RBFOX1: variants seen among roughly 807,000 people sequenced by gnomAD.
RBFOX1 encodes RNA binding fox-1 homolog 1, also known as RNA binding protein fox-1 homolog 1.
In RBFOX1, 8 loss-of-function variants were observed where a neutral mutation model predicts 57.7. That is an observed-to-expected ratio of 0.14 (90% confidence interval 0.08 to 0.25). The LOEUF (loss-of-function observed/expected upper bound fraction) is 0.25, where lower values mean the gene tolerates loss of function less well. RBFOX1 is among the 10% of genes least tolerant of loss of function. RBFOX1 has a pLI of 1.00. For synonymous variants in RBFOX1, 326 were observed against 222.4 expected (o/e 1.47, Z -4.15); for missense variants, 611 against 548.5 (o/e 1.11, Z -1.14).
At chr16:6,103,872 A>C (rs2096345492) in intron 1 of RBFOX1, among the ~76,000 whole-genome samples, 1 of 152,178 alleles carries the variant, frequency 6.6e-6, no homozygotes, top group East Asian at 1.9e-4. Context: ...ACTTTTTGGT[A>C]CCTGAAATTC....
intron 3 of RBFOX1, among the ~76,000 whole-genome samples, chr16:5,699,319 T>C (rs531351610): frequency 1.3e-5 from 2 of 152,176 alleles, no homozygotes; most frequent in South Asian, 2.1e-4. Context: ...TTTACATATA[T>C]TGTGATATGG....
At chr16:7,172,647 C>T (rs73554355) in intron 4 of RBFOX1, among the ~76,000 whole-genome samples, 1 of 152,068 alleles carries the variant, frequency 6.6e-6, no homozygotes, top group Non-Finnish European at 1.5e-5. Flanking sequence ...ACACATCATG[C>T]CAAGTTGTAG....
chr16:5,919,713 C>G (rs2058779375), intron 4 of RBFOX1, among the ~76,000 whole-genome samples: 1 of 152,146 alleles, frequency 6.6e-6, no homozygotes, highest in African/African-American at 2.4e-5. Context: ...CCACCTTGAT[C>G]TCGTTTCAAA....
At chr16:6,621,610 G>A (rs2098233341) in intron 2 of RBFOX1, among the ~76,000 whole-genome samples, 1 of 152,166 alleles carries the variant, frequency 6.6e-6, no homozygotes. Flanking sequence ...CAGGGACTAG[G>A]AAGTGGGCAT....
At chr16:6,531,707 C>T (rs2096660423) in intron 2 of RBFOX1, among the ~76,000 whole-genome samples, 1 of 152,032 alleles carries the variant, frequency 6.6e-6, no homozygotes, top group Non-Finnish European at 1.5e-5. Flanking sequence ...CTCATGGACC[C>T]AAACAGGGCT....
chr16:7,417,187 T>C (rs572172828), intron 4 of RBFOX1, among the ~76,000 whole-genome samples: 43 of 151,992 alleles, frequency 2.8e-4, no homozygotes, highest in African/African-American at 9.6e-4. Flanking sequence ...CTGGCCAACA[T>C]GGTGAAACCC....
chr16:6,598,705 T>G (rs903834067), intron 2 of RBFOX1, among the ~76,000 whole-genome samples: 2 of 152,148 alleles, frequency 1.3e-5, no homozygotes, highest in African/African-American at 4.8e-5. Flanking sequence ...CTCAGCACTT[T>G]GGGTGGCTGA....
intron 1 of RBFOX1, among the ~76,000 whole-genome samples, chr16:5,388,670 G>A (rs984729391): frequency 6.6e-6 from 1 of 151,836 alleles, no homozygotes; most frequent in Non-Finnish European, 1.5e-5. Context: ...TCCACCTCCC[G>A]GGTTCAAGCG....
intron 1 of RBFOX1, among the ~76,000 whole-genome samples, chr16:5,300,486 C>G (rs1046167677): frequency 6.6e-6 from 1 of 152,064 alleles, no homozygotes; most frequent in African/African-American, 2.4e-5. Context: ...CGCACCACCA[C>G]CCATTCCCCA....
intron 4 of RBFOX1, among the ~76,000 whole-genome samples, chr16:7,267,241 A>T (rs2095178716): frequency 6.6e-6 from 1 of 152,032 alleles, no homozygotes; most frequent in Admixed American, 6.5e-5. Context: ...TCTACTAAAA[A>T]TACAAAAATT....
Position 7,185,990 on chromosome 16 carries a change from C to T in RBFOX1, c.27+133892C>T, listed in dbSNP as rs1300249227. Among the ~76,000 whole-genome samples the T allele has an allele frequency of 5.3e-5, 8 of 152,184 alleles. No individual in the cohort carries two copies. In the East Asian group the frequency reaches 5.8e-4, roughly 11 times the overall value. On this transcript the variant is annotated intron_variant, in intron 4 of 15. Coordinates refer to ENST00000550418, the MANE Select transcript of RBFOX1 (RefSeq NM_018723.4). ...AGCCATTAGTTCCTATGTTTATTGG[C>T]GCACTTTAGTATAGATCAAAGGCAC...
intron 3 of RBFOX1, among the ~76,000 whole-genome samples, chr16:5,701,349 T>G (rs949931337): frequency 6.6e-6 from 1 of 152,260 alleles, no homozygotes; most frequent in Admixed American, 6.5e-5. Context: ...TTATTTTGCA[T>G]GTAGAGTTAA....
At chr16:6,733,945 T>C (rs1477409621) in intron 3 of RBFOX1, among the ~76,000 whole-genome samples, 1 of 152,178 alleles carries the variant, frequency 6.6e-6, no homozygotes, top group Non-Finnish European at 1.5e-5. Flanking sequence ...AATAGCATCG[T>C]TGTCTATCTT....
intron 4 of RBFOX1, among the ~76,000 whole-genome samples, chr16:7,064,365 C>T (rs2153750932): frequency 6.6e-6 from 1 of 152,118 alleles, no homozygotes; most frequent in South Asian, 2.1e-4. Context: ...GATGGGGTTT[C>T]ACCATGTTGC....
At chr16:6,828,221 G>C (rs2092382640) in intron 3 of RBFOX1, among the ~76,000 whole-genome samples, 2 of 152,030 alleles carry the variant, frequency 1.3e-5, no homozygotes, top group Admixed American at 1.3e-4. Flanking sequence ...AATACAGGTA[G>C]TCACAGCATA....
chr16:6,773,982 A>C (rs1021753228), intron 3 of RBFOX1: 2 of 985,188 alleles, frequency 2.0e-6, no homozygotes, highest in African/African-American at 3.5e-5. Context: ...CCCGTTTTCA[A>C]CTGAACCTGT....
At chr16:5,871,650 C>G (rs988674250) in intron 4 of RBFOX1, among the ~76,000 whole-genome samples, 4 of 152,144 alleles carry the variant, frequency 2.6e-5, no homozygotes, top group Non-Finnish European at 5.9e-5. Flanking sequence ...TGTATATTAA[C>G]ACAAAGATCT....
chr16:5,525,223 G>C (rs2044192450), intron 2 of RBFOX1, among the ~76,000 whole-genome samples: 1 of 152,032 alleles, frequency 6.6e-6, no homozygotes, highest in Admixed American at 6.6e-5. Context: ...ATCTTTGCAG[G>C]GTCAGGAACT....
At chr16:5,285,818 C>T (rs1409669861) in intron 1 of RBFOX1, among the ~76,000 whole-genome samples, 4 of 152,142 alleles carry the variant, frequency 2.6e-5, no homozygotes, top group South Asian at 2.1e-4. Flanking sequence ...TGTCACCAGG[C>T]TGGAGTGCAG....
Sources: gnomAD v4.1 joint callset for allele counts (sites outside exome capture counted in the v4.1 genomes callset) on GRCh38, gnomAD v4.1.1 for gene constraint, MANE v1.5 for transcripts, NCBI Gene and HGNC (gene_info 2026-07-23, HGNC 2026-07-21) for gene names.